The following LRRC7 variants were observed in gnomAD, a reference collection of about 807,000 sequenced individuals.
LRRC7 encodes the protein leucine rich repeat containing 7.
In LRRC7, 23 loss-of-function variants were observed where a neutral mutation model predicts 175.7. That is an observed-to-expected ratio of 0.13 (90% confidence interval 0.09 to 0.19). The LOEUF is 0.19. LRRC7 is among the 10% of genes least tolerant of loss of function. The pLI is 1.00. For synonymous variants in LRRC7, 685 were observed against 680.9 expected (o/e 1.01, Z -0.09); for missense variants, 1,354 against 1,904.7 (o/e 0.71, Z 5.38).
intron 20 of LRRC7, 34 bp from the exon 21 acceptor site, chr1:70,038,079 C>T (rs758100227): frequency 1.3e-6 from 2 of 1,555,064 alleles, no homozygotes; most frequent in Non-Finnish European, 1.7e-6. Flanking sequence ...AACTCTTCGT[C>T]CTTTTCAATT....
chr1:69,915,506 G>C (rs549125339), intron 7 of LRRC7, among the ~76,000 whole-genome samples: 1 of 152,084 alleles, frequency 6.6e-6, no homozygotes, highest in South Asian at 2.1e-4. Context: ...AGGAAACAAA[G>C]AAAGAAAAAG....
chr1:69,901,042 T>C (rs1646120642), intron 7 of LRRC7, among the ~76,000 whole-genome samples: 1 of 152,216 alleles, frequency 6.6e-6, no homozygotes, highest in Non-Finnish European at 1.5e-5. Flanking sequence ...TTGAGGAATT[T>C]AGACTTTTTC....
intron 1 of LRRC7, among the ~76,000 whole-genome samples, chr1:69,591,294 C>T (rs1427433318): frequency 1.3e-5 from 2 of 151,956 alleles, no homozygotes; most frequent in Admixed American, 6.6e-5. Flanking sequence ...GAAGAGCTTC[C>T]ACAGAATATA....
At chr1:69,867,301 A>G (rs1339121231) in intron 7 of LRRC7, among the ~76,000 whole-genome samples, 1 of 152,206 alleles carries the variant, frequency 6.6e-6, no homozygotes, top group African/African-American at 2.4e-5. Context: ...CTCACAACTA[A>G]TAATCACAAT....
Position 69,901,529 on chromosome 1 carries a change from C to T in LRRC7, c.648-29978C>T, listed in dbSNP as rs148069794. On this transcript the variant is annotated intron_variant, in intron 7 of 26. Transcript: ENST00000651989. ...CTCCATTCCTAAGAATGAAACCCTGCTCACAGAGTAAAGTTTCAGCACAGT... is the reference window on the plus strand; with the variant it reads ...CTCCATTCCTAAGAATGAAACCCTGTTCACAGAGTAAAGTTTCAGCACAGT... 2.1e-4 allele frequency among the ~76,000 whole-genome samples: 32 copies of T among 152,240 alleles called. No homozygotes were observed. The East Asian group carries it at 5.6e-3, about 27-fold the overall frequency.
chr1:70,059,517 G>GTGTGTGTGT (rs1558034955), intron 23 of LRRC7, among the ~76,000 whole-genome samples: 5 of 140,364 alleles, frequency 3.6e-5, no homozygotes, highest in South Asian at 2.2e-4. Flanking sequence ...GTGTGTGTGT[G>GTGTGTGTGT]GTCATTTTCA....
intron 8 of LRRC7, among the ~76,000 whole-genome samples, chr1:69,934,436 T>A (rs1169095498): frequency 7.6e-6 from 1 of 131,116 alleles, no homozygotes; most frequent in Non-Finnish European, 1.5e-5. Context: ...ATATTTTTAA[T>A]AGCAATTATC....
intron 23 of LRRC7, among the ~76,000 whole-genome samples, chr1:70,057,819 T>G (rs1427126401): frequency 6.6e-6 from 1 of 152,110 alleles, no homozygotes; most frequent in African/African-American, 2.4e-5. Flanking sequence ...CTTAGACACA[T>G]AAAGTAATTG....
intron 2 of LRRC7, among the ~76,000 whole-genome samples, chr1:69,758,793 T>C (rs1670716569): frequency 6.6e-6 from 1 of 152,004 alleles, no homozygotes; most frequent in Non-Finnish European, 1.5e-5. Context: ...ATTTGCTAGA[T>C]AATGATTGTC....
At chr1:69,769,674 C>G (rs1014138613) in intron 3 of LRRC7, among the ~76,000 whole-genome samples, 1 of 151,930 alleles carries the variant, frequency 6.6e-6, no homozygotes, top group African/African-American at 2.4e-5. Context: ...CACTCTGGTT[C>G]CAAGTATAAG....
intron 2 of LRRC7, among the ~76,000 whole-genome samples, chr1:69,722,720 A>C (rs1380712970): frequency 1.3e-5 from 2 of 152,036 alleles, no homozygotes; most frequent in Non-Finnish European, 1.5e-5. Flanking sequence ...AGACAGATTC[A>C]GCATTGTTTC....
At chr1:70,100,480 A>G (rs1176929457) in intron 25 of LRRC7, among the ~76,000 whole-genome samples, 2 of 152,106 alleles carry the variant, frequency 1.3e-5, no homozygotes, top group East Asian at 1.9e-4. Flanking sequence ...TTGTGATCCC[A>G]TAGTCCATTT....
chr1:69,815,129 C>T (rs1021614986), intron 4 of LRRC7, among the ~76,000 whole-genome samples: 2 of 152,106 alleles, frequency 1.3e-5, no homozygotes, highest in South Asian at 2.1e-4. Context: ...CTGCTGTGAG[C>T]CTTTGCCTTG....
intron 2 of LRRC7, among the ~76,000 whole-genome samples, chr1:69,678,999 G>A (rs1660148331): frequency 6.6e-6 from 1 of 151,956 alleles, no homozygotes; most frequent in Non-Finnish European, 1.5e-5. Flanking sequence ...TTAGGAAAAT[G>A]TTCTGAAAGA....
chr1:70,021,912 A>G (rs532891598), intron 16 of LRRC7, among the ~76,000 whole-genome samples: 2 of 152,240 alleles, frequency 1.3e-5, no homozygotes, highest in East Asian at 3.9e-4. Flanking sequence ...TACTTTTTCT[A>G]TCATGGCTAC....
rs1646376778 is a variant in LRRC7, at chr1:69,585,700, TGTG to T, written c.2+17060_2+17062del. On this transcript the variant is annotated intron_variant, in intron 1 of 26. Coordinates refer to ENST00000651989, the MANE Select transcript of LRRC7 (RefSeq NM_001370785.2). ...GAGTCTGCAGATGTCAAGAATAAGTTGTGAGCTATCACAGTAAACATTTCTTGG... is the reference window on the plus strand; with the variant it reads ...GAGTCTGCAGATGTCAAGAATAAGTTAGCTATCACAGTAAACATTTCTTGG... 3.3e-5 allele frequency among the ~76,000 whole-genome samples: 5 copies of T among 152,328 alleles called. No individual in the cohort carries two copies. The South Asian group carries it at 1.0e-3, about 32-fold the overall frequency.
intron 26 of LRRC7, among the ~76,000 whole-genome samples, chr1:70,108,168 T>C (rs1215003552): frequency 6.6e-6 from 1 of 151,548 alleles, no homozygotes; most frequent in Non-Finnish European, 1.5e-5. Flanking sequence ...ACACAGTATG[T>C]GTGTGACTTT....
intron 26 of LRRC7, among the ~76,000 whole-genome samples, chr1:70,119,117 C>T (rs1181590714): frequency 1.3e-5 from 2 of 151,446 alleles, no homozygotes; most frequent in South Asian, 2.1e-4. Context: ...TCTGCACATA[C>T]TGTTACAGAA....
intron 7 of LRRC7, among the ~76,000 whole-genome samples, chr1:69,910,094 G>C (rs1389302728): frequency 6.6e-6 from 1 of 152,018 alleles, no homozygotes; most frequent in Non-Finnish European, 1.5e-5. Flanking sequence ...TCTTCACGTA[G>C]TTCTCGAGCC....
Sources: allele counts gnomAD v4.1 joint callset (sites outside exome capture counted in the v4.1 genomes callset), GRCh38; gene constraint gnomAD v4.1.1; transcripts MANE v1.5; gene names NCBI Gene and HGNC (gene_info 2026-07-23, HGNC 2026-07-21).